The following ANKS1B variants were observed in gnomAD, a reference collection of about 807,000 sequenced individuals.
ANKS1B encodes the protein ankyrin repeat and sterile alpha motif domain-containing protein 1B.
ANKS1B carries 36 observed loss-of-function variants against 148.3 expected under a neutral mutation model. That is an observed-to-expected ratio of 0.24 (90% CI 0.19 to 0.32). ANKS1B has a LOEUF of 0.32. Ranked by LOEUF, ANKS1B falls within the 10% of genes least tolerant of loss-of-function variation. ANKS1B has a pLI of 1.00. For missense variants in ANKS1B, 1,157 were observed against 1,542.6 expected (o/e 0.75, Z 4.19); for synonymous variants, 542 against 560.8 (o/e 0.97, Z 0.47).
In ANKS1B at chr12:99,059,136, T is replaced by C. The variant is rs537614272; in HGVS notation, c.2626-5827A>G. On this transcript the variant is annotated intron_variant, in intron 16 of 26. Transcript: ENST00000683438. ...TCCACCGAAAAATCATATCTTCTGC[T>C]ATATTTCTGTAGTATTTTCCATAGA... Among the ~76,000 whole-genome samples the C allele has an allele frequency of 4.6e-5, 7 of 152,350 alleles. No individual in the cohort carries two copies. The East Asian group carries it at 1.2e-3, about 25-fold the overall frequency.
chr12:99,931,044 G>A (rs1402437161), intron 1 of ANKS1B, among the ~76,000 whole-genome samples: 2 of 152,150 alleles, frequency 1.3e-5, no homozygotes, highest in African/African-American at 2.4e-5. Flanking sequence ...CCTTTGTAGG[G>A]ACATGGATGA....
intron 6 of ANKS1B, among the ~76,000 whole-genome samples, chr12:99,778,566 G>A (rs1470049594): frequency 6.7e-6 from 1 of 148,928 alleles, no homozygotes; most frequent in African/African-American, 2.5e-5. Context: ...GAAATACAAA[G>A]TGCATAGAGG....
chr12:99,918,670 C>T (rs2094249795), intron 1 of ANKS1B, among the ~76,000 whole-genome samples: 1 of 152,160 alleles, frequency 6.6e-6, no homozygotes, highest in Non-Finnish European at 1.5e-5. Flanking sequence ...TGGAGCAAAG[C>T]ATTCCTATAT....
intron 19 of ANKS1B, among the ~76,000 whole-genome samples, chr12:98,819,630 G>T (rs189930): frequency 2.1e-4 from 32 of 152,190 alleles, no homozygotes; most frequent in African/African-American, 7.5e-4. Flanking sequence ...AGTTTAGGCA[G>T]AAACTTGTGG....
At chr12:99,682,288 A>G (rs1209605607) in intron 8 of ANKS1B, among the ~76,000 whole-genome samples, 4 of 152,226 alleles carry the variant, frequency 2.6e-5, no homozygotes, top group Admixed American at 2.0e-4. Context: ...AACATTTTCT[A>G]TCCAACAACT....
At chr12:99,223,323 G>T (rs1171535071) in intron 14 of ANKS1B, among the ~76,000 whole-genome samples, 20 of 152,006 alleles carry the variant, frequency 1.3e-4, no homozygotes, top group Admixed American at 1.3e-3. Flanking sequence ...GATAGTTTTG[G>T]GATGATTCAA....
Position 98,960,186 on chromosome 12 carries a change from C to G in ANKS1B, c.2778+92971G>C, listed in dbSNP as rs990449258. 2.0e-5 allele frequency among the ~76,000 whole-genome samples: 3 copies of G among 152,292 alleles called. No individual in the cohort carries two copies. In the South Asian group the frequency reaches 6.2e-4, roughly 32 times the overall value. On this transcript the variant is annotated intron_variant, in intron 17 of 26. Coordinates refer to ENST00000683438, the MANE Select transcript of ANKS1B (RefSeq NM_001352186.2). Reference sequence around the variant, plus strand: ...CACAGGTGTTGGGTGAGACCCAATGCTGTGCTGACTTCAGGTCTGACCTAG... The same window carrying G: ...CACAGGTGTTGGGTGAGACCCAATGGTGTGCTGACTTCAGGTCTGACCTAG...
At chr12:98,923,286 A>T (rs2099803910) in intron 17 of ANKS1B, among the ~76,000 whole-genome samples, 1 of 152,162 alleles carries the variant, frequency 6.6e-6, no homozygotes, top group Admixed American at 6.5e-5. Flanking sequence ...TAGAAGCAGC[A>T]TGAGGCCCTC....
At chr12:99,400,337 G>C (rs2094369461) in intron 11 of ANKS1B, among the ~76,000 whole-genome samples, 1 of 146,006 alleles carries the variant, frequency 6.8e-6, no homozygotes, top group Non-Finnish European at 1.5e-5. Flanking sequence ...ATTAAATAAA[G>C]TTATATGGAA....
chr12:98,745,456 T>C lies in ANKS1B; in HGVS notation c.*283A>G, dbSNP rs964807169. The C allele has an allele frequency of 6.5e-5, 68 of 1,046,292 alleles. No homozygotes were observed. The highest frequency in any genetic ancestry group is 8.8e-5 in the African/African-American group (5 of 56,556). 64.8% of individuals were successfully genotyped at this position (1,046,292 alleles called of 1,614,324 possible). ...CAAAGCAAGTACTGGGGCGGAGTCA[T>C]CAGAAATACCTTGGGAGGTGGTGGG... is the stretch of plus-strand genomic sequence containing the variant. On this transcript the variant is annotated 3_prime_UTR_variant, in exon 27 of 27. Coordinates refer to ENST00000683438, the MANE Select transcript of ANKS1B (RefSeq NM_001352186.2).
In ANKS1B at chr12:98,809,691, T is replaced by C. The variant is rs560202602; in HGVS notation, c.3067-1773A>G. Among the ~76,000 whole-genome samples the C allele has an allele frequency of 2.8e-4, 42 of 152,274 alleles. No homozygotes were observed. In the South Asian group the frequency reaches 8.7e-3, roughly 32 times the overall value. On this transcript the variant is annotated intron_variant, in intron 19 of 26. Transcript: ENST00000683438. ...CCAGCTATATACAGCTTGGTTCTACTGACCCTGAAATGAACAGAAACTAAA... is the reference window on the plus strand; with the variant it reads ...CCAGCTATATACAGCTTGGTTCTACCGACCCTGAAATGAACAGAAACTAAA...
intron 1 of ANKS1B, among the ~76,000 whole-genome samples, chr12:99,904,422 C>A (rs889571912): frequency 1.3e-5 from 2 of 151,976 alleles, no homozygotes; most frequent in Admixed American, 6.6e-5. Context: ...AAATGCCTGA[C>A]CTCAGGTGAT....
At chr12:99,499,790 A>G (rs2096638220) in intron 10 of ANKS1B, among the ~76,000 whole-genome samples, 1 of 152,220 alleles carries the variant, frequency 6.6e-6, no homozygotes, top group Admixed American at 6.5e-5. Flanking sequence ...TAAAAGCAAA[A>G]CAAATGACTG....
chr12:98,993,906 G>C (rs528959355), intron 17 of ANKS1B, among the ~76,000 whole-genome samples: 1 of 152,106 alleles, frequency 6.6e-6, no homozygotes, highest in East Asian at 1.9e-4. Flanking sequence ...TAGTGTATTC[G>C]TTTCAGTCCT....
At chr12:99,750,633 C>T (rs531137507) in intron 8 of ANKS1B, among the ~76,000 whole-genome samples, 1 of 152,130 alleles carries the variant, frequency 6.6e-6, no homozygotes, top group South Asian at 2.1e-4. Flanking sequence ...GAGTACTAGT[C>T]AGTGGAAGAT....
chr12:99,866,627 C>A (rs1235502606), intron 1 of ANKS1B, among the ~76,000 whole-genome samples: 2 of 152,004 alleles, frequency 1.3e-5, no homozygotes, highest in Non-Finnish European at 2.9e-5. Flanking sequence ...AATGCCATTG[C>A]CTTTATTCTA....
intron 12 of ANKS1B, among the ~76,000 whole-genome samples, chr12:99,318,542 C>A (rs2084605943): frequency 6.6e-6 from 1 of 151,932 alleles, no homozygotes; most frequent in African/African-American, 2.4e-5. Flanking sequence ...TTTATTGTGT[C>A]TATTTGATTC....
At chr12:98,993,817 CATTA>C (rs971303471) in intron 17 of ANKS1B, among the ~76,000 whole-genome samples, 2 of 152,258 alleles carry the variant, frequency 1.3e-5, no homozygotes, top group Middle Eastern at 3.4e-3. Context: ...ATCTAATTAA[CATTA>C]ATTGTTACAT....
chr12:99,753,660 G>C (rs535215718), intron 8 of ANKS1B, among the ~76,000 whole-genome samples: 1 of 151,756 alleles, frequency 6.6e-6, no homozygotes, highest in African/African-American at 2.4e-5. Context: ...TTGCCTATGA[G>C]GACAGAGTCA....
Sources: allele counts gnomAD v4.1 joint callset (sites outside exome capture counted in the v4.1 genomes callset), GRCh38; gene constraint gnomAD v4.1.1; transcripts MANE v1.5; gene names NCBI Gene and HGNC (gene_info 2026-07-23, HGNC 2026-07-21).